The following PARP8 variants were observed in gnomAD, a reference collection of about 807,000 sequenced individuals.
PARP8 encodes protein mono-ADP-ribosyltransferase PARP8.
A neutral mutation model predicts 124.1 loss-of-function variants in PARP8; 51 were observed. That is an observed-to-expected ratio of 0.41 (90% confidence interval 0.33 to 0.52). The LOEUF (loss-of-function observed/expected upper bound fraction) is 0.52, where lower values mean the gene tolerates loss of function less well. Ranked by LOEUF, PARP8 falls within the 20% of genes least tolerant of loss-of-function variation. PARP8 has a pLI of 0.21. For synonymous variants in PARP8, 391 were observed against 361.5 expected (o/e 1.08, Z -0.93); for missense variants, 860 against 1,018.9 (o/e 0.84, Z 2.12).
At chr5:50,729,797 T>A (rs1283865385) in intron 2 of PARP8, among the ~76,000 whole-genome samples, 1 of 152,192 alleles carries the variant, frequency 6.6e-6, no homozygotes, top group African/African-American at 2.4e-5. Context: ...TCTTGTCACC[T>A]TGCAGACTTT....
At chr5:50,832,760 T>C (rs1355801271) in intron 22 of PARP8, 21 bp from the exon 23 acceptor site, 1 of 1,612,110 alleles carries the variant, frequency 6.2e-7, no homozygotes, top group East Asian at 2.2e-5. Flanking sequence ...CCCTAAATTA[T>C]TATTTTGCCG....
intron 1 of PARP8, 109 bp from the exon 2 acceptor site, chr5:50,667,962 C>A (rs534424745): frequency 1.8e-5 from 28 of 1,596,004 alleles, no homozygotes; most frequent in Non-Finnish European, 2.3e-5. Flanking sequence ...CCCTTGCCTT[C>A]TGCCCGGCCA....
intron 2 of PARP8, among the ~76,000 whole-genome samples, chr5:50,729,203 T>C (rs1756733736): frequency 6.6e-6 from 1 of 152,156 alleles, no homozygotes. Flanking sequence ...CATCTCATTG[T>C]TATAGGAACT....
chr5:50,813,167 T>A (rs1744674601), intron 14 of PARP8, among the ~76,000 whole-genome samples: 1 of 152,234 alleles, frequency 6.6e-6, no homozygotes, highest in Non-Finnish European at 1.5e-5. Flanking sequence ...GCATTGAATC[T>A]ATAAATTACC....
At chr5:50,687,995 A>T (rs2149455418) in intron 2 of PARP8, among the ~76,000 whole-genome samples, 1 of 152,194 alleles carries the variant, frequency 6.6e-6, no homozygotes, top group African/African-American at 2.4e-5. Flanking sequence ...GGGACTACAG[A>T]TGTGTGCCAC....
intron 10 of PARP8, among the ~76,000 whole-genome samples, chr5:50,790,916 C>A (rs906207912): frequency 1.7e-4 from 26 of 152,074 alleles, no homozygotes; most frequent in African/African-American, 4.8e-4. Flanking sequence ...ATGTTTGTTT[C>A]CCTAATTATA....
intron 2 of PARP8, among the ~76,000 whole-genome samples, chr5:50,694,948 A>G (rs1312692681): frequency 6.6e-6 from 1 of 152,214 alleles, no homozygotes; most frequent in Non-Finnish European, 1.5e-5. Flanking sequence ...GGCAGGAAGC[A>G]TCCAGCACAG....
chr5:50,699,744 A>G (rs1753389755), intron 2 of PARP8, among the ~76,000 whole-genome samples: 1 of 152,160 alleles, frequency 6.6e-6, no homozygotes, highest in Admixed American at 6.5e-5. Context: ...AAGATCTGAG[A>G]TGGGCCAAGA....
At chr5:50,763,707 A>G (rs1335301345) in intron 7 of PARP8, among the ~76,000 whole-genome samples, 5 of 149,858 alleles carry the variant, frequency 3.3e-5, no homozygotes, top group Non-Finnish European at 6.0e-5. Flanking sequence ...GTTACCTAAT[A>G]TATTATTTGG....
chr5:50,744,721 T>C, intron 2 of PARP8: 1 of 696,912 alleles, frequency 1.4e-6, no homozygotes, highest in Non-Finnish European at 2.6e-6. Flanking sequence ...AAGGCTTTTT[T>C]TTTTCTCTGA....
chr5:50,734,158 C>T (rs1229584427), intron 2 of PARP8, among the ~76,000 whole-genome samples: 2 of 152,002 alleles, frequency 1.3e-5, no homozygotes, highest in Non-Finnish European at 2.9e-5. Flanking sequence ...TCCTTTTTTA[C>T]GGCGGTTTTA....
At chr5:50,783,024 C>T (rs191104239) in intron 9 of PARP8, among the ~76,000 whole-genome samples, 1 of 152,150 alleles carries the variant, frequency 6.6e-6, no homozygotes, top group East Asian at 1.9e-4. Flanking sequence ...AGAACCATGT[C>T]AGGAGTTGCT....
intron 2 of PARP8, among the ~76,000 whole-genome samples, chr5:50,723,295 A>G (rs1267788524): frequency 2.0e-5 from 3 of 152,158 alleles, no homozygotes; most frequent in Non-Finnish European, 4.4e-5. Context: ...AGCAATGGAA[A>G]GGTATTAAAT....
chr5:50,688,205 A>C (rs1339647628), intron 2 of PARP8, among the ~76,000 whole-genome samples: 5 of 152,198 alleles, frequency 3.3e-5, no homozygotes, highest in Admixed American at 1.3e-4. Context: ...CCGACCAGAG[A>C]GAGTTTTTCT....
chr5:50,706,956 G>A (rs756666044), intron 2 of PARP8, among the ~76,000 whole-genome samples: 41 of 151,928 alleles, frequency 2.7e-4, no homozygotes, highest in Admixed American at 5.2e-4. Flanking sequence ...ATACTAGCAC[G>A]CATATATCTT....
chr5:50,812,495 C>T (rs933764823), intron 14 of PARP8, among the ~76,000 whole-genome samples: 11 of 152,078 alleles, frequency 7.2e-5, no homozygotes, highest in African/African-American at 2.7e-4. Context: ...GGATATTAGC[C>T]CTTTGTCAGA....
intron 2 of PARP8, among the ~76,000 whole-genome samples, chr5:50,708,916 G>A (rs1754437768): frequency 6.6e-6 from 1 of 151,960 alleles, no homozygotes; most frequent in Non-Finnish European, 1.5e-5. Flanking sequence ...CAAGTAGCCA[G>A]GACTACAGGC....
rs1748494594 is a variant in PARP8 at position 50,844,817 on chromosome 5, G to C, written c.*2749G>C. 1 of 151,478 alleles carries C rather than the reference G, an allele frequency of 6.6e-6. No individual in the cohort carries two copies. Among genetic ancestry groups the C allele is most frequent in the African/African-American group, 2.4e-5 (1 of 41,312 alleles). The allele number at this position is 151,478 out of a possible 1,614,324, so 9.4% of individuals were successfully genotyped here. On this transcript the variant is annotated 3_prime_UTR_variant, in exon 26 of 26. Transcript: ENST00000281631. ...TCTGTTCTCTTTCACTGTATTAAAAGGAGAAGAAAATGAACATTTGAGAAT... is the reference window on the plus strand; with the variant it reads ...TCTGTTCTCTTTCACTGTATTAAAACGAGAAGAAAATGAACATTTGAGAAT...
chr5:50,818,176 G>GCCC (rs60341773), intron 15 of PARP8, among the ~76,000 whole-genome samples: 2 of 105,708 alleles, frequency 1.9e-5, no homozygotes, highest in Non-Finnish European at 4.1e-5. Context: ...ATATCATTTA[G>GCCC]CCCCCCCCCC....
Sources: allele counts gnomAD v4.1 joint callset (sites outside exome capture counted in the v4.1 genomes callset), GRCh38; gene constraint gnomAD v4.1.1; transcripts MANE v1.5; gene names NCBI Gene and HGNC (gene_info 2026-07-23, HGNC 2026-07-21).